BRWD1: variants seen among roughly 807,000 people sequenced by gnomAD.
The protein encoded by BRWD1 is bromodomain and WD repeat-containing protein 1.
Under a neutral mutation model 251.2 loss-of-function variants are expected in BRWD1, and 82 were observed. The ratio of observed to expected loss-of-function variants is 0.33; its 90% CI spans 0.27 to 0.39. The LOEUF (loss-of-function observed/expected upper bound fraction) is 0.39. BRWD1 is among the 10% of genes least tolerant of loss of function. The pLI is 1.00. For missense variants in BRWD1, 2,233 were observed against 2,711.6 expected (o/e 0.82, Z 3.92); for synonymous variants, 918 against 902.8 (o/e 1.02, Z -0.30).
At chr21:39,250,524 C>T (rs2034360255) in intron 20 of BRWD1, among the ~76,000 whole-genome samples, 1 of 150,526 alleles carries the variant, frequency 6.6e-6, no homozygotes. Context: ...AAAAGAAGAA[C>T]CAAATGACAA....
Position 39,196,938 on chromosome 21 carries a change from C to G in BRWD1, c.6131G>C (p.Arg2044Thr). 6.2e-7 allele frequency: 1 copy of G among 1,613,762 alleles called. No individual in the cohort carries two copies. The highest frequency in any genetic ancestry group is 8.5e-7 in the Non-Finnish European group (1 of 1,179,890). ...NIHKIDAPSKRKSSSVTSSGE... is the reference protein window; with the variant it reads ...NIHKIDAPSKTKSSSVTSSGE... ...TGAAGATGTAACAGAGGAACTTTTTCTTTTAGAAGGTGCATCTATTTTGTG... is the reference window on the plus strand; with the variant it reads ...TGAAGATGTAACAGAGGAACTTTTTGTTTTAGAAGGTGCATCTATTTTGTG... Residue 2044 changes from arginine (R) to threonine (T), a missense_variant, in exon 41 of 41, where the codon AGA becomes ACA. Transcript: ENST00000342449.
intron 31 of BRWD1, among the ~76,000 whole-genome samples, chr21:39,217,923 G>A (rs535974157): frequency 6.6e-6 from 1 of 151,736 alleles, no homozygotes; most frequent in East Asian, 1.9e-4. Flanking sequence ...CAGTGATATG[G>A]AAATAATCAC....
chr21:39,191,020 T>C lies in BRWD1; in HGVS notation c.*5239A>G. On this transcript the variant is annotated 3_prime_UTR_variant, in exon 41 of 41. Transcript: ENST00000342449. ...GCTATTGCAATTTTTAATAAAAATC[T>C]CATAAAAGCCTTATTTTGAAATATG... The C allele has an allele frequency of 1.0e-6, 1 of 985,300 alleles. No homozygotes were observed. The highest frequency in any genetic ancestry group is 4.7e-5 in the South Asian group (1 of 21,286). 61.0% of individuals were successfully genotyped at this position (985,300 alleles called of 1,614,324 possible).
chr21:39,285,133 C>A lies in BRWD1; in HGVS notation c.832-4885G>T, dbSNP rs1404703407. 2.0e-5 allele frequency among the ~76,000 whole-genome samples: 3 copies of A among 152,110 alleles called. No individual in the cohort carries two copies. The South Asian group carries it at 6.2e-4, about 31-fold the overall frequency. ...CCGTGTGTCCGTGTATACACACACA[C>A]AAAATGGAACATTATAAACAGAATA... is the stretch of plus-strand genomic sequence containing the variant. On this transcript the variant is annotated intron_variant, in intron 8 of 40. Coordinates refer to ENST00000342449, the MANE Select transcript of BRWD1 (RefSeq NM_033656.4).
intron 31 of BRWD1, chr21:39,217,078 T>C (rs1601300019): frequency 8.2e-5 from 1 of 12,184 alleles, no homozygotes; most frequent in Non-Finnish European, 1.6e-4. Flanking sequence ...TATATATATA[T>C]ATATATTTTT....
At position 39,193,990 on chromosome 21, in the gene BRWD1, AC is replaced by A; in HGVS notation, c.*2268del. 1 of 985,572 alleles carries A rather than the reference AC, an allele frequency of 1.0e-6. No individual in the cohort carries two copies. Among genetic ancestry groups the A allele is most frequent in the Non-Finnish European group, 1.2e-6 (1 of 829,736 alleles). The allele number at this position is 985,572 out of a possible 1,614,324, so 61.1% of individuals were successfully genotyped here. A position where few individuals can be genotyped will look rare whatever the true frequency, so the allele number is the denominator to read the frequency against. Reference sequence around the variant, plus strand: ...GTTTTATTTCATAACTTGAGAAGCTACCATTGTCGGCTATGCTTTTAAAGAC... The same window carrying A: ...GTTTTATTTCATAACTTGAGAAGCTACATTGTCGGCTATGCTTTTAAAGAC... On this transcript the variant is annotated 3_prime_UTR_variant, in exon 41 of 41. Transcript: ENST00000342449.
chr21:39,236,707 C>T lies in BRWD1; in HGVS notation c.2654G>A (p.Arg885His), dbSNP rs368213843. 53 of 1,614,010 alleles carry T rather than the reference C, an allele frequency of 3.3e-5. No individual in the cohort carries two copies. The highest frequency in any genetic ancestry group is 4.1e-5 in the Non-Finnish European group (48 of 1,179,978). Residue 885 changes from arginine to histidine, a missense_variant, in exon 23 of 41, where the codon CGT becomes CAT. Transcript: ENST00000342449. Reference sequence around the variant, plus strand: ...ACTACAAAATCGAGTAATTCGTCGACGACATGATGTTCTTAAAGGAGGCTG... The same window carrying T: ...ACTACAAAATCGAGTAATTCGTCGATGACATGATGTTCTTAAAGGAGGCTG... ...NLQPPLRTSC[R>H]RRITRFCSSS...
chr21:39,281,369 G>A (rs2035451957), intron 8 of BRWD1, among the ~76,000 whole-genome samples: 1 of 152,124 alleles, frequency 6.6e-6, no homozygotes, highest in Non-Finnish European at 1.5e-5. Context: ...CCCTAGAATG[G>A]GGAGGAAAGA....
chr21:39,191,643 A>G lies in BRWD1; in HGVS notation c.*4616T>C, dbSNP rs544874726. 49 of 984,282 alleles carry G rather than the reference A, an allele frequency of 5.0e-5. No homozygotes were observed. Among genetic ancestry groups the G allele is most frequent in the East Asian group, 1.1e-4 (1 of 8,798 alleles). 61.0% of individuals were successfully genotyped at this position (984,282 alleles called of 1,614,324 possible). Reference sequence around the variant, plus strand: ...TCACATTTAGAAAATTAACTTGAATATATCAAAAATTAAAGATCCCTTTAA... The same window carrying G: ...TCACATTTAGAAAATTAACTTGAATGTATCAAAAATTAAAGATCCCTTTAA... On this transcript the variant is annotated 3_prime_UTR_variant, in exon 41 of 41. Coordinates refer to ENST00000342449, the MANE Select transcript of BRWD1 (RefSeq NM_033656.4).
At position 39,218,901 on chromosome 21, in the gene BRWD1, G is replaced by A. The variant is rs182756328; in HGVS notation, c.3383-241C>T. The stretch of plus-strand genomic sequence containing the variant: ...AATTAAAAATAAGAGTGCCAGTATT[G>A]CAGTTTTCAGTCTATTTCTTCAAGG... On this transcript the variant is annotated intron_variant, in intron 29 of 40. Transcript: ENST00000342449. 6.0e-3 allele frequency among the ~76,000 whole-genome samples: 918 copies of A among 152,150 alleles called. 6 individuals are homozygous for A. Among genetic ancestry groups the A allele is most frequent in the Non-Finnish European group, 8.8e-3 (598 of 68,000 alleles).
intron 22 of BRWD1, among the ~76,000 whole-genome samples, chr21:39,237,961 A>T (rs2033866796): frequency 6.6e-6 from 1 of 152,198 alleles, no homozygotes; most frequent in African/African-American, 2.4e-5. Flanking sequence ...ACCAATTAAA[A>T]AAAAAAGAAA....
rs948578993 is a variant in BRWD1 at position 39,210,666 on chromosome 21, A to G, written c.4044+120T>C. 71 of 1,186,656 alleles carry G rather than the reference A, an allele frequency of 6.0e-5. 1 individual carries two copies. The South Asian group carries it at 1.2e-3, about 20-fold the overall frequency. 73.5% of individuals were successfully genotyped at this position (1,186,656 alleles called of 1,614,324 possible). A position where few individuals can be genotyped will look rare whatever the true frequency, so the allele number is the denominator to read the frequency against. Reference sequence around the variant, plus strand: ...ATACTTCTACCACTAACTTAGTGATAGGAGCAAAAAAGTTAACATAAAGCC... The same window carrying G: ...ATACTTCTACCACTAACTTAGTGATGGGAGCAAAAAAGTTAACATAAAGCC... On this transcript the variant is annotated intron_variant, in intron 35 of 40. Coordinates refer to ENST00000342449, the MANE Select transcript of BRWD1 (RefSeq NM_033656.4).
Position 39,228,551 on chromosome 21 carries a change from G to T in BRWD1, c.3157C>A (p.Leu1053Ile). ...TCATCATAAAATTGACGCAATACAA[G>T]AAAGTCAATAACATCTGGCATATCA... ...YHDMPDVIDFLVLRQFYDEAR... is the reference protein window; with the variant it reads ...YHDMPDVIDFIVLRQFYDEAR... Residue 1053 changes from leucine to isoleucine, a missense_variant, in exon 27 of 41, where the codon CTT becomes ATT. Transcript: ENST00000342449. 6.2e-7 allele frequency: 1 copy of T among 1,612,844 alleles called. No homozygotes were observed. Among genetic ancestry groups the T allele is most frequent in the Non-Finnish European group, 8.5e-7 (1 of 1,179,232 alleles).
At chr21:39,212,379 C>T (rs1258842126) in intron 34 of BRWD1, among the ~76,000 whole-genome samples, 1 of 152,158 alleles carries the variant, frequency 6.6e-6, no homozygotes, top group African/African-American at 2.4e-5. Context: ...AGGTGTAGTT[C>T]CCTTAACAGT....
Position 39,290,286 on chromosome 21 carries a change from G to A in BRWD1, c.831+3525C>T, listed in dbSNP as rs369816280. On this transcript the variant is annotated intron_variant, in intron 8 of 40. Transcript: ENST00000342449. ...AGGTGGATCACGAGGTCAGGAGATCGAGACAATCCTGGCTAACACAGTGAA... is the reference window on the plus strand; with the variant it reads ...AGGTGGATCACGAGGTCAGGAGATCAAGACAATCCTGGCTAACACAGTGAA... Among the ~76,000 whole-genome samples, 75 of 151,742 alleles carry A rather than the reference G, an allele frequency of 4.9e-4. 1 individual carries two copies. In the South Asian group the frequency reaches 0.01, roughly 21 times the overall value.
intron 4 of BRWD1, among the ~76,000 whole-genome samples, chr21:39,304,141 CAAAAA>C (rs56990201): frequency 1.1e-4 from 13 of 118,410 alleles, no homozygotes; most frequent in South Asian, 2.7e-4. Flanking sequence ...AACTCTTTCT[CAAAAA>C]AAAAAAAAAA....
Position 39,274,472 on chromosome 21 carries a change from C to T in BRWD1, c.1146G>A (p.Arg382=), listed in dbSNP as rs2035217248. The part of the protein sequence containing the change: ...DSIQFCNNGD[R]FLSGSRDGTA... The stretch of plus-strand genomic sequence containing the variant: ...TTCCATCTCTGCTACCACTTAGGAA[C>T]CTTAAAACATTCAGAACAGGATCTT... The change falls in exon 13 of 41, where the codon CGG becomes CGA. Residue 382 remains arginine, a splice_region_variant and synonymous_variant. Coordinates refer to ENST00000342449, the MANE Select transcript of BRWD1 (RefSeq NM_033656.4). 6.2e-7 allele frequency: 1 copy of T among 1,611,756 alleles called. No homozygotes were observed. The highest frequency in any genetic ancestry group is 8.5e-7 in the Non-Finnish European group (1 of 1,178,192).
intron 4 of BRWD1, among the ~76,000 whole-genome samples, chr21:39,300,700 G>T (rs767086705): frequency 1.3e-5 from 2 of 152,120 alleles, no homozygotes; most frequent in Non-Finnish European, 2.9e-5. Flanking sequence ...AAAATGATGA[G>T]ATACACAACA....
rs868767256 is a variant in BRWD1, at chr21:39,216,074, T to C, written c.3660-712A>G. Among the ~76,000 whole-genome samples, 6 of 152,190 alleles carry C rather than the reference T, an allele frequency of 3.9e-5. 1 individual carries two copies. The South Asian group carries it at 8.3e-4, about 21-fold the overall frequency. Reference sequence around the variant, plus strand: ...ACAATCAAGTGGTTTCTGATGGGAATGCACATTCCAGTGTTAAATTACAGA... The same window carrying C: ...ACAATCAAGTGGTTTCTGATGGGAACGCACATTCCAGTGTTAAATTACAGA... On this transcript the variant is annotated intron_variant, in intron 31 of 40. Transcript: ENST00000342449.
Sources: allele counts gnomAD v4.1 joint callset (sites outside exome capture counted in the v4.1 genomes callset), GRCh38; gene constraint gnomAD v4.1.1; transcripts MANE v1.5; gene names NCBI Gene and HGNC (gene_info 2026-07-23, HGNC 2026-07-21).